Variants in SAXO1 observed in about 807,000 individuals in gnomAD.
SAXO1 encodes 4930500O09Rik.
In SAXO1, 21 loss-of-function variants were observed where a neutral mutation model predicts 17.5. The ratio of observed to expected loss-of-function variants is 1.20; its 90% confidence interval spans 0.85 to 1.72. SAXO1 has a LOEUF of 1.72. Ranked by LOEUF, SAXO1 falls within the 40% of genes most tolerant of loss-of-function variation. The probability of loss-of-function intolerance (pLI) is 0.00; values close to 1 mark genes in which losing one functional copy is unlikely to be tolerated. For missense variants in SAXO1, 843 were observed against 596.0 expected, an observed-to-expected ratio of 1.41 and a Z score of -4.32; for synonymous variants, 274 against 216.5, an observed-to-expected ratio of 1.27 and a Z score of -2.33.
At chr9:18,994,888 T>A (rs747888890) in intron 1 of SAXO1, among the ~76,000 whole-genome samples, 1 of 152,186 alleles carries the variant, frequency 6.6e-6, no homozygotes, top group South Asian at 2.1e-4. Flanking sequence ...TACATCCCAA[T>A]TGGACCTGTT....
At chr9:19,005,505 G>A (rs1255545550) in intron 1 of SAXO1, among the ~76,000 whole-genome samples, 1 of 152,120 alleles carries the variant, frequency 6.6e-6, no homozygotes, top group Non-Finnish European at 1.5e-5. Flanking sequence ...TTCAACAAAG[G>A]TATCAAGACT....
chr9:19,033,657 T>A (rs1458193033), upstream of SAXO1, among the ~76,000 whole-genome samples: 2 of 152,220 alleles, frequency 1.3e-5, no homozygotes, highest in Admixed American at 6.5e-5. Context: ...ACACAGTGGT[T>A]TAAGAGCGCC....
intron 1 of SAXO1, among the ~76,000 whole-genome samples, chr9:19,042,286 G>C (rs1836096389): frequency 6.6e-6 from 1 of 152,108 alleles, no homozygotes; most frequent in Admixed American, 6.5e-5. Flanking sequence ...CAAATGATGG[G>C]CAATAACAAA....
In SAXO1 at chr9:18,960,623, A is replaced by G. The variant is rs147234205; in HGVS notation, c.39-9686T>C. 2.5e-3 allele frequency among the ~76,000 whole-genome samples: 379 copies of G among 152,248 alleles called. 1 individual carries two copies. Among genetic ancestry groups the G allele is most frequent in the African/African-American group, 8.7e-3 (362 of 41,538 alleles). ...TGAAACCCCGAATCTACAAAAAACA[A>G]CATACAAAAGTTATCCAGGTGTGGT... On this transcript the variant is annotated intron_variant, in intron 1 of 3. Coordinates refer to ENST00000380534, the MANE Select transcript of SAXO1 (RefSeq NM_153707.4).
intron 1 of SAXO1, among the ~76,000 whole-genome samples, chr9:19,045,007 G>T (rs551421945): frequency 1.3e-5 from 2 of 151,966 alleles, no homozygotes; most frequent in South Asian, 4.1e-4. Context: ...TGTTTGAAGA[G>T]CTCTTTAAGA....
intron 1 of SAXO1, among the ~76,000 whole-genome samples, chr9:18,996,530 T>C (rs902028478): frequency 1.3e-5 from 2 of 152,250 alleles, no homozygotes; most frequent in South Asian, 2.1e-4. Flanking sequence ...TTAAATCTTA[T>C]GGAACCATCA....
At chr9:18,962,848 G>C (rs1287004892) in intron 1 of SAXO1, among the ~76,000 whole-genome samples, 2 of 152,158 alleles carry the variant, frequency 1.3e-5, no homozygotes, top group East Asian at 1.9e-4. Context: ...ATTGCTTTTG[G>C]TGTTTTAGTC....
chr9:18,967,231 C>T (rs1053009770), intron 1 of SAXO1, among the ~76,000 whole-genome samples: 10 of 152,168 alleles, frequency 6.6e-5, no homozygotes, highest in Admixed American at 5.9e-4. Flanking sequence ...GGTCAGGGAC[C>T]CACTTGAGGA....
chr9:18,967,030 G>T (rs1476298879), intron 1 of SAXO1, among the ~76,000 whole-genome samples: 1 of 152,204 alleles, frequency 6.6e-6, no homozygotes, highest in African/African-American at 2.4e-5. Flanking sequence ...AGAGTTTGAT[G>T]GAGGTGCATT....
chr9:18,979,941 G>A (rs1273302477), intron 1 of SAXO1, among the ~76,000 whole-genome samples: 1 of 152,174 alleles, frequency 6.6e-6, no homozygotes, highest in Non-Finnish European at 1.5e-5. Context: ...AGAAAATAAA[G>A]AGTTAAGAGA....
intron 1 of SAXO1, among the ~76,000 whole-genome samples, chr9:19,008,334 T>G (rs1225330771): frequency 6.6e-6 from 1 of 152,162 alleles, no homozygotes; most frequent in African/African-American, 2.4e-5. Flanking sequence ...ATCAACTCAG[T>G]AAAGGACGAA....
At chr9:18,993,607 A>G (rs1184915906) in intron 1 of SAXO1, among the ~76,000 whole-genome samples, 1 of 152,204 alleles carries the variant, frequency 6.6e-6, no homozygotes, top group Non-Finnish European at 1.5e-5. Flanking sequence ...AGAGGAGCAC[A>G]GCTTTTATTT....
At chr9:19,032,737 G>C (rs1465015023) in intron 1 of SAXO1, 134 bp downstream of exon 1, 1 of 927,616 alleles carries the variant, frequency 1.1e-6, no homozygotes, top group African/African-American at 1.7e-5. Flanking sequence ...TGACACAATT[G>C]TGGCTTAAAA....
At position 18,933,955 on chromosome 9, in the gene SAXO1, AG is replaced by A. The variant is rs571259401; in HGVS notation, c.422-4901del. 4.6e-5 allele frequency among the ~76,000 whole-genome samples: 7 copies of A among 152,318 alleles called. No homozygotes were observed. The South Asian group carries it at 6.2e-4, about 14-fold the overall frequency. On this transcript the variant is annotated intron_variant, in intron 3 of 3. Transcript: ENST00000380534. The stretch of plus-strand genomic sequence containing the variant: ...CAGCTACTAGGGAGGCTGAGGCAGG[AG>A]AATGGTGTGAACCCGGGAGGCGGAG...
chr9:18,976,217 A>G (rs1833146017), intron 1 of SAXO1, among the ~76,000 whole-genome samples: 2 of 152,222 alleles, frequency 1.3e-5, no homozygotes, highest in Admixed American at 6.5e-5. Context: ...TACTGAGTAG[A>G]GTAGAAAGAA....
chr9:18,953,485 C>T (rs541657193), intron 1 of SAXO1, among the ~76,000 whole-genome samples: 1 of 152,320 alleles, frequency 6.6e-6, no homozygotes, highest in African/African-American at 2.4e-5. Flanking sequence ...ATTATATCAA[C>T]ATATTTATAG....
intron 3 of SAXO1, 45 bp downstream of exon 3, chr9:18,941,592 G>T (rs1331812077): frequency 6.2e-7 from 1 of 1,609,120 alleles, no homozygotes; most frequent in South Asian, 1.1e-5. Flanking sequence ...CCGCACACAG[G>T]CTCAGCCTGT....
chr9:18,970,810 A>G (rs1832916827), intron 1 of SAXO1, among the ~76,000 whole-genome samples: 1 of 152,170 alleles, frequency 6.6e-6, no homozygotes, highest in Non-Finnish European at 1.5e-5. Flanking sequence ...GGAGTCCTCA[A>G]GTGCCTTCTG....
chr9:18,990,625 G>A (rs1010894813), intron 1 of SAXO1, among the ~76,000 whole-genome samples: 1 of 152,164 alleles, frequency 6.6e-6, no homozygotes, highest in Non-Finnish European at 1.5e-5. Flanking sequence ...TAGCCTGTTA[G>A]GAACCAGGCT....
Sources: allele counts gnomAD v4.1 joint callset (sites outside exome capture counted in the v4.1 genomes callset), GRCh38; gene constraint gnomAD v4.1.1; transcripts MANE v1.5; gene names NCBI Gene and HGNC (gene_info 2026-07-23, HGNC 2026-07-21).